The following GIGYF2 variants were observed in gnomAD, a reference collection of about 807,000 sequenced individuals.
GIGYF2 encodes the protein GRB10-interacting GYF protein 2.
In GIGYF2, 25 loss-of-function variants were observed where a neutral mutation model predicts 208.1. That is an observed-to-expected ratio of 0.12 (90% CI 0.09 to 0.17). GIGYF2 has a LOEUF of 0.17. Ranked by LOEUF, GIGYF2 falls within the 10% of genes least tolerant of loss-of-function variation. GIGYF2 has a pLI of 1.00. For missense variants in GIGYF2, 1,302 were observed against 1,579.4 expected (o/e 0.82, Z 2.98); for synonymous variants, 534 against 543.8 (o/e 0.98, Z 0.25).
At chr2:232,828,264 G>A (rs1228624128) in intron 21 of GIGYF2, among the ~76,000 whole-genome samples, 1 of 152,178 alleles carries the variant, frequency 6.6e-6, no homozygotes, top group African/African-American at 2.4e-5. Flanking sequence ...TGGGATTACA[G>A]GCATGAGCCA....
intron 14 of GIGYF2, among the ~76,000 whole-genome samples, chr2:232,799,921 T>A (rs913130461): frequency 1.3e-5 from 2 of 152,132 alleles, no homozygotes; most frequent in Non-Finnish European, 2.9e-5. Flanking sequence ...TTTGTATACC[T>A]TCTTTGGTGA....
At chr2:232,803,648 T>C (rs1700465226) in intron 14 of GIGYF2, among the ~76,000 whole-genome samples, 1 of 151,946 alleles carries the variant, frequency 6.6e-6, no homozygotes, top group African/African-American at 2.4e-5. Flanking sequence ...GTCTATTTCT[T>C]TGTGGGTCTG....
intron 1 of GIGYF2, among the ~76,000 whole-genome samples, 199 bp downstream of exon 1, chr2:232,697,591 G>C (rs934129426): frequency 3.3e-5 from 5 of 152,238 alleles, no homozygotes; most frequent in African/African-American, 1.2e-4. Flanking sequence ...TCAGGTGCAG[G>C]GCCGGAGGGA....
intron 3 of GIGYF2, among the ~76,000 whole-genome samples, chr2:232,740,298 CAAAA>C (rs57010750): frequency 1.3e-5 from 2 of 151,684 alleles, no homozygotes; most frequent in Non-Finnish European, 2.9e-5. Flanking sequence ...TCTTTAGAAA[CAAAA>C]AACAAAAAGA....
intron 14 of GIGYF2, among the ~76,000 whole-genome samples, chr2:232,801,487 G>C (rs1009010114): frequency 2.0e-5 from 3 of 152,148 alleles, no homozygotes; most frequent in Admixed American, 1.3e-4. Flanking sequence ...CACTTGGCTT[G>C]AGTAACAGAG....
intron 14 of GIGYF2, among the ~76,000 whole-genome samples, chr2:232,798,790 G>A (rs779012974): frequency 2.1e-5 from 3 of 143,178 alleles, no homozygotes; most frequent in African/African-American, 5.1e-5. Context: ...CTTATTTTAC[G>A]TTTTTTTTTT....
intron 6 of GIGYF2, among the ~76,000 whole-genome samples, chr2:232,759,818 A>G (rs1698677147): frequency 6.6e-6 from 1 of 152,180 alleles, no homozygotes; most frequent in African/African-American, 2.4e-5. Context: ...AGGCCAGTTT[A>G]TGCTTGAACC....
intron 8 of GIGYF2, among the ~76,000 whole-genome samples, chr2:232,769,842 T>C (rs2293782): frequency 0.16 from 25,014 of 152,188 alleles, 2,627 homozygotes; most frequent in Non-Finnish European, 0.22. Context: ...ATTATAGTAC[T>C]ATATGTGCCT....
intron 23 of GIGYF2, among the ~76,000 whole-genome samples, chr2:232,841,303 T>G (rs532906470): frequency 6.6e-6 from 1 of 152,104 alleles, no homozygotes. Context: ...CTTTTTCTTT[T>G]TTTTCTTTTA....
At chr2:232,782,308 TCTC>T (rs1699746522) in intron 8 of GIGYF2, among the ~76,000 whole-genome samples, 1 of 152,082 alleles carries the variant, frequency 6.6e-6, no homozygotes, top group South Asian at 2.1e-4. Context: ...AGTGATCCTC[TCTC>T]CTCAGCCTCC....
At position 232,794,885 on chromosome 2, in the gene GIGYF2, G is replaced by C; in HGVS notation, c.1420G>C (p.Gly474Arg). 8.7e-6 allele frequency: 14 copies of C among 1,613,896 alleles called. No individual in the cohort carries two copies. The highest frequency in any genetic ancestry group is 1.2e-5 in the Non-Finnish European group (14 of 1,179,856). The change falls in exon 13 of 29, where the codon GGT becomes CGT. Residue 474 changes from glycine (G) to arginine (R), a missense_variant. Physicochemically the swap from Gly to Arg is moderately radical, Grantham distance 125. This residue lies in a region of GIGYF2 where 235 missense variants were observed against 218.8 expected (regional missense o/e 1.07). Transcript: ENST00000373563. ...PVETPVVGAP[G>R]MGSVSTEPDD... Reference sequence around the variant, plus strand: ...TGAAACACCAGTTGTAGGTGCTCCTGGTATGGGCAGTGTTTCCACAGAACC... The same window carrying C: ...TGAAACACCAGTTGTAGGTGCTCCTCGTATGGGCAGTGTTTCCACAGAACC...
At chr2:232,763,490 CTA>C (rs950995534) in intron 8 of GIGYF2, among the ~76,000 whole-genome samples, 78 of 152,014 alleles carry the variant, frequency 5.1e-4, no homozygotes, top group African/African-American at 1.7e-3. Flanking sequence ...ACAGTAATAA[CTA>C]ATAATAAAAT....
chr2:232,856,364 G>C (rs1017919528), intron 28 of GIGYF2, among the ~76,000 whole-genome samples: 9 of 152,052 alleles, frequency 5.9e-5, no homozygotes, highest in Non-Finnish European at 1.0e-4. Flanking sequence ...CTTTATCTTT[G>C]TCTCCCTGTA....
intron 8 of GIGYF2, chr2:232,768,029 T>G: frequency 1.5e-6 from 1 of 666,926 alleles, no homozygotes; most frequent in East Asian, 2.7e-5. Context: ...GTTTCCAGAA[T>G]GTGTATTGTT....
Position 232,847,594 on chromosome 2 carries a change from C to T in GIGYF2, c.3684+23C>T, listed in dbSNP as rs114366435. 8.5e-4 allele frequency: 1,376 copies of T among 1,611,212 alleles called. 11 individuals carry two copies. The African/African-American group carries it at 0.015, about 18-fold the overall frequency. ...CAGGTATAAAGTAGTGTGGTGTATG[C>T]GGTACCTCTGAGGATTAATACCTTT... On this transcript the variant is annotated intron_variant, in intron 27 of 28. Transcript: ENST00000373563.
chr2:232,705,061 G>A (rs1219811951), intron 2 of GIGYF2, among the ~76,000 whole-genome samples: 14 of 150,736 alleles, frequency 9.3e-5, no homozygotes, highest in African/African-American at 2.9e-4. Flanking sequence ...GGGTTTCACC[G>A]TGTTAGCCAG....
At chr2:232,778,308 C>T (rs528868448) in intron 8 of GIGYF2, among the ~76,000 whole-genome samples, 3 of 152,152 alleles carry the variant, frequency 2.0e-5, no homozygotes, top group Non-Finnish European at 4.4e-5. Context: ...CCATAGTATA[C>T]TTGGTTTCAA....
At chr2:232,851,242 G>A (rs1690306359) in intron 28 of GIGYF2, among the ~76,000 whole-genome samples, 1 of 152,148 alleles carries the variant, frequency 6.6e-6, no homozygotes, top group South Asian at 2.1e-4. Flanking sequence ...CCTTGACCAG[G>A]AGTTGAAGGC....
intron 8 of GIGYF2, 86 bp from the exon 9 acceptor site, chr2:232,787,064 A>G (rs1396165819): frequency 2.1e-6 from 2 of 951,440 alleles, no homozygotes; most frequent in African/African-American, 3.2e-5. Context: ...CATTTGCAGG[A>G]AAGCTTGATT....
Sources: gnomAD v4.1 joint callset for allele counts (sites outside exome capture counted in the v4.1 genomes callset) on GRCh38, gnomAD v4.1.1 for gene constraint, gnomAD v4.1.1 regional missense constraint, MANE v1.5 for transcripts, NCBI Gene and HGNC (gene_info 2026-07-23, HGNC 2026-07-21) for gene names.